The following CACNA2D3 variants were observed in gnomAD, a reference collection of about 807,000 sequenced individuals.
CACNA2D3 encodes the protein calcium voltage-gated channel auxiliary subunit alpha2delta 3, also known as voltage-dependent calcium channel subunit alpha-2/delta-3.
A neutral mutation model predicts 160.6 loss-of-function variants in CACNA2D3; 60 were observed. That is an observed-to-expected ratio of 0.37 (90% confidence interval 0.30 to 0.46). CACNA2D3 has a LOEUF of 0.46. Ranked by LOEUF, CACNA2D3 falls within the 20% of genes least tolerant of loss-of-function variation. The probability of loss-of-function intolerance (pLI) is 1.00; values close to 1 mark genes in which losing one functional copy is unlikely to be tolerated. For missense variants in CACNA2D3, 1,205 were observed against 1,365.0 expected (o/e 0.88, Z 1.85); for synonymous variants, 558 against 492.9 (o/e 1.13, Z -1.75).
chr3:54,400,300 C>T (rs1421874729), intron 4 of CACNA2D3, among the ~76,000 whole-genome samples: 1 of 151,854 alleles, frequency 6.6e-6, no homozygotes, highest in Non-Finnish European at 1.5e-5. Context: ...GGAGCTGTTC[C>T]TATTCGGCCA....
intron 4 of CACNA2D3, among the ~76,000 whole-genome samples, chr3:54,456,571 TG>T: frequency 6.6e-6 from 1 of 151,958 alleles, no homozygotes; most frequent in East Asian, 1.9e-4. Flanking sequence ...TTTCTTTTTT[TG>T]GTTGGTGTTG....
chr3:54,290,244 C>T lies in CACNA2D3; in HGVS notation c.205-30198C>T, dbSNP rs150203997. The stretch of plus-strand genomic sequence containing the variant: ...ACAAACAGCCCCATCAGAAAGTGGG[C>T]GAAGGATATGAACAGACCCTTCTGA... On this transcript the variant is annotated intron_variant, in intron 2 of 37. Coordinates refer to ENST00000474759, the MANE Select transcript of CACNA2D3 (RefSeq NM_018398.3). Among the ~76,000 whole-genome samples the T allele has an allele frequency of 3.9e-3, 600 of 152,212 alleles. 15 individuals are homozygous for T. In the East Asian group the frequency reaches 0.063, roughly 16 times the overall value.
intron 28 of CACNA2D3, 34 bp from the exon 29 acceptor site, chr3:54,969,766 G>A: frequency 6.2e-7 from 1 of 1,607,142 alleles, no homozygotes; most frequent in African/African-American, 1.3e-5. Flanking sequence ...AAGTAACATA[G>A]TAACACATTT....
At chr3:54,610,653 C>T (rs1207450357) in intron 9 of CACNA2D3, among the ~76,000 whole-genome samples, 1 of 151,780 alleles carries the variant, frequency 6.6e-6, no homozygotes, top group Non-Finnish European at 1.5e-5. Context: ...GATGGAGTTT[C>T]ACTCTCGTCA....
chr3:54,225,974 A>G (rs1338461221), intron 2 of CACNA2D3, among the ~76,000 whole-genome samples: 2 of 152,176 alleles, frequency 1.3e-5, no homozygotes, highest in African/African-American at 4.8e-5. Context: ...CTGAACTGAC[A>G]GGAGCCTGGG....
At chr3:54,596,546 C>T (rs887665704) in intron 9 of CACNA2D3, among the ~76,000 whole-genome samples, 19 of 152,080 alleles carry the variant, frequency 1.2e-4, no homozygotes, top group Non-Finnish European at 1.5e-5. Context: ...CTGTCAGAAG[C>T]GTCCCAGCTT....
intron 13 of CACNA2D3, among the ~76,000 whole-genome samples, chr3:54,770,123 G>A (rs1025547657): frequency 7.2e-5 from 11 of 152,172 alleles, no homozygotes; most frequent in Admixed American, 1.3e-4. Flanking sequence ...GTTAACCCGA[G>A]ATAACTTTGC....
intron 2 of CACNA2D3, among the ~76,000 whole-genome samples, chr3:54,184,211 G>A (rs1450843150): frequency 6.6e-6 from 1 of 152,210 alleles, no homozygotes; most frequent in Non-Finnish European, 1.5e-5. Flanking sequence ...GAGCCCTAGA[G>A]GTTCTGTCGG....
intron 4 of CACNA2D3, among the ~76,000 whole-genome samples, chr3:54,462,143 A>C (rs1461646411): frequency 2.0e-5 from 3 of 150,946 alleles, no homozygotes; most frequent in Non-Finnish European, 4.5e-5. Context: ...TCTGAGAGAC[A>C]GCTTGTTATA....
chr3:54,307,374 G>A (rs1268358730), intron 2 of CACNA2D3, among the ~76,000 whole-genome samples: 1 of 152,190 alleles, frequency 6.6e-6, no homozygotes, highest in Non-Finnish European at 1.5e-5. Flanking sequence ...AAGGTCACCT[G>A]CTGCAATCTC....
intron 5 of CACNA2D3, among the ~76,000 whole-genome samples, chr3:54,508,532 T>C (rs968802771): frequency 7.9e-5 from 12 of 152,164 alleles, no homozygotes; most frequent in African/African-American, 2.9e-4. Context: ...TAAATACTTA[T>C]TGCAAGGTAA....
chr3:54,145,945 C>CT (rs1157809393), intron 2 of CACNA2D3, among the ~76,000 whole-genome samples: 1 of 152,056 alleles, frequency 6.6e-6, no homozygotes, highest in African/African-American at 2.4e-5. Flanking sequence ...ATCAGTTTGT[C>CT]TTTTTTTCAC....
chr3:54,484,951 A>G (rs988309588), intron 4 of CACNA2D3, among the ~76,000 whole-genome samples: 6 of 151,774 alleles, frequency 4.0e-5, no homozygotes, highest in Admixed American at 1.3e-4. Flanking sequence ...GGTTCAAGCA[A>G]TTCTCCTGCC....
intron 2 of CACNA2D3, among the ~76,000 whole-genome samples, chr3:54,200,095 G>A (rs996357421): frequency 6.6e-6 from 1 of 152,210 alleles, no homozygotes; most frequent in Non-Finnish European, 1.5e-5. Context: ...CTGTGGAATC[G>A]GAGGTATGTG....
At chr3:55,054,100 T>G (rs1704303072) in intron 35 of CACNA2D3, among the ~76,000 whole-genome samples, 1 of 151,896 alleles carries the variant, frequency 6.6e-6, no homozygotes, top group East Asian at 1.9e-4. Context: ...TATACATCTT[T>G]AATTGCTCAT....
chr3:54,473,387 A>G (rs1191568267), intron 4 of CACNA2D3, among the ~76,000 whole-genome samples: 2 of 152,226 alleles, frequency 1.3e-5, no homozygotes, highest in Non-Finnish European at 2.9e-5. Flanking sequence ...TTAACTCAGG[A>G]TGGATTAAAG....
intron 29 of CACNA2D3, among the ~76,000 whole-genome samples, chr3:54,976,227 G>A (rs1420992440): frequency 2.0e-5 from 3 of 150,278 alleles, no homozygotes; most frequent in Non-Finnish European, 4.4e-5. Context: ...TGTGGGCTTT[G>A]GAGTCCCATA....
intron 2 of CACNA2D3, among the ~76,000 whole-genome samples, chr3:54,227,481 G>A (rs759369039): frequency 1.3e-5 from 2 of 151,644 alleles, no homozygotes; most frequent in East Asian, 1.9e-4. Context: ...GGTATTCCTC[G>A]GGAGAGTGAA....
chr3:54,239,780 G>T (rs1701943608), intron 2 of CACNA2D3, among the ~76,000 whole-genome samples: 1 of 152,110 alleles, frequency 6.6e-6, no homozygotes. Context: ...GTGGAATTTT[G>T]GGCAAGTTAT....
Sources: gnomAD v4.1 joint callset for allele counts (sites outside exome capture counted in the v4.1 genomes callset) on GRCh38, gnomAD v4.1.1 for gene constraint, MANE v1.5 for transcripts, NCBI Gene and HGNC (gene_info 2026-07-23, HGNC 2026-07-21) for gene names.